Variants in LGR6 observed in about 807,000 individuals in gnomAD.
LGR6 encodes the protein leucine rich repeat containing G protein-coupled receptor 6.
A neutral mutation model predicts 69.4 loss-of-function variants in LGR6; 45 were observed. That is an observed-to-expected ratio of 0.65 (90% CI 0.51 to 0.83). The LOEUF is 0.83. LGR6 is among the 40% of genes least tolerant of loss of function. The probability of loss-of-function intolerance (pLI) is 0.00; values close to 1 mark genes in which losing one functional copy is unlikely to be tolerated. For synonymous variants in LGR6, 538 were observed against 555.0 expected, an observed-to-expected ratio of 0.97 and a Z score of 0.43; for missense variants, 1,108 against 1,246.7, an observed-to-expected ratio of 0.89 and a Z score of 1.68.
chr1:202,202,709 C>T (rs1306352591), intron 1 of LGR6, among the ~76,000 whole-genome samples: 2 of 152,200 alleles, frequency 1.3e-5, no homozygotes, highest in Non-Finnish European at 2.9e-5. Context: ...TTGGGAGGAG[C>T]GGTGGAGGCA....
chr1:202,290,575 C>G (rs1431971386), intron 6 of LGR6, among the ~76,000 whole-genome samples: 1 of 152,046 alleles, frequency 6.6e-6, no homozygotes, highest in African/African-American at 2.4e-5. Flanking sequence ...ATTTCCTCAT[C>G]AATAAAAAAA....
intron 4 of LGR6, among the ~76,000 whole-genome samples, chr1:202,262,207 T>TA (rs1215208710): frequency 2.0e-5 from 3 of 151,554 alleles, no homozygotes; most frequent in Non-Finnish European, 4.4e-5. Context: ...CTAGGGTTTT[T>TA]ATGGTTTTAG....
Position 202,318,502 on chromosome 1 carries a change from C to T in LGR6, c.2199C>T (p.Thr733=), listed in dbSNP as rs200450852. 45 of 1,613,980 alleles carry T rather than the reference C, an allele frequency of 2.8e-5. No individual in the cohort carries two copies. In the South Asian group the frequency reaches 2.9e-4, roughly 10 times the overall value. ...PEGQPAALGF[T]VALVMMNSFC... ...GTCAGCCAGCAGCCCTGGGCTTCAC[C>T]GTGGCCCTGGTGATGATGAACTCCT... The change falls in exon 18 of 18, where the codon ACC becomes ACT. Residue 733 remains threonine (T), a synonymous_variant. Coordinates refer to ENST00000367278, the MANE Select transcript of LGR6 (RefSeq NM_001017403.2).
At chr1:202,228,048 C>A in intron 3 of LGR6, 41 bp downstream of exon 3, 1 of 1,417,504 alleles carries the variant, frequency 7.1e-7, no homozygotes, top group Non-Finnish European at 9.9e-7. Flanking sequence ...AGCTGCAGCA[C>A]TGAGAATGGT....
rs1664858273 is a variant in LGR6, at chr1:202,268,575, GT to G, written c.429-7729del. ...TTTTCTCTATTCTCTCCCTTCCTGT[GT>G]TCAACTGAAAGTCAGCTATGTAGCC... On this transcript the variant is annotated intron_variant, in intron 4 of 17. Coordinates refer to ENST00000367278, the MANE Select transcript of LGR6 (RefSeq NM_001017403.2). The surrounding 1 kb of genome is among the most constrained non-coding windows in gnomAD (Gnocchi z 4.4). 6.6e-6 allele frequency among the ~76,000 whole-genome samples: 1 copy of G among 151,704 alleles called. No individual in the cohort carries two copies. Among genetic ancestry groups the G allele is most frequent in the Admixed American group, 6.6e-5 (1 of 15,240 alleles).
intron 1 of LGR6, among the ~76,000 whole-genome samples, chr1:202,198,408 G>C (rs529506289): frequency 6.6e-6 from 1 of 152,210 alleles, no homozygotes; most frequent in Non-Finnish European, 1.5e-5. Context: ...GTTTGCAAAG[G>C]GTTTGGCATA....
rs1375386145 is a variant in LGR6 at position 202,319,522 on chromosome 1, G to A, written c.*315G>A. The A allele has an allele frequency of 3.3e-6, 1 of 304,650 alleles. No homozygotes were observed. The highest frequency in any genetic ancestry group is 6.0e-5 in the East Asian group (1 of 16,662). 18.9% of individuals were successfully genotyped at this position (304,650 alleles called of 1,614,324 possible). A position where few individuals can be genotyped will look rare whatever the true frequency, so the allele number is the denominator to read the frequency against. On this transcript the variant is annotated 3_prime_UTR_variant, in exon 18 of 18. Transcript: ENST00000367278. ...ATGAGGGAAGTAAAGACAGTGAAGG[G>A]GTGGAGGGTTGATCAGGGCACAGTG...
chr1:202,304,182 G>A (rs1667808164), intron 10 of LGR6, among the ~76,000 whole-genome samples: 2 of 152,162 alleles, frequency 1.3e-5, no homozygotes, highest in African/African-American at 4.8e-5. Context: ...CTTGCCCATG[G>A]ACATCCCCTC....
At chr1:202,224,731 C>T (rs1256290250) in intron 1 of LGR6, among the ~76,000 whole-genome samples, 1 of 152,218 alleles carries the variant, frequency 6.6e-6, no homozygotes, top group Non-Finnish European at 1.5e-5. Flanking sequence ...AGGTGGAGCT[C>T]AGGCGGGAGT....
intron 4 of LGR6, among the ~76,000 whole-genome samples, chr1:202,251,320 A>T (rs1217207854): frequency 6.6e-6 from 1 of 152,236 alleles, no homozygotes; most frequent in Non-Finnish European, 1.5e-5. Context: ...ATTTTAAAAA[A>T]GCGATACAGT....
At chr1:202,267,085 T>A (rs191604115) in intron 4 of LGR6, among the ~76,000 whole-genome samples, 25 of 152,296 alleles carry the variant, frequency 1.6e-4, no homozygotes, top group Middle Eastern at 3.4e-3. Flanking sequence ...AAATAAAATT[T>A]AAAATGCGGT....
intron 17 of LGR6, among the ~76,000 whole-genome samples, chr1:202,316,540 A>G (rs936099382): frequency 2.6e-5 from 4 of 152,256 alleles, no homozygotes; most frequent in Admixed American, 6.5e-5. Flanking sequence ...CAGACAAACC[A>G]TATCCAAATG....
At position 202,318,578 on chromosome 1, in the gene LGR6, C is replaced by A; in HGVS notation, c.2275C>A (p.Pro759Thr). 1 of 1,614,032 alleles carries A rather than the reference C, an allele frequency of 6.2e-7. No individual in the cohort carries two copies. Among genetic ancestry groups the A allele is most frequent in the Non-Finnish European group, 8.5e-7 (1 of 1,180,006 alleles). ...CTACATCAAACTGTACTGTGACCTG[C>A]CGCGGGGCGACTTTGAGGCCGTGTG... ...GAYIKLYCDL[P>T]RGDFEAVWDC... Residue 759 changes from proline (P) to threonine (T), a missense_variant, in exon 18 of 18, where the codon CCG (proline) becomes ACG (threonine). By Grantham distance (38) the Pro-to-Thr change is conservative (BLOSUM62 -1). Transcript: ENST00000367278.
Position 202,305,696 on chromosome 1 carries a change from C to A in LGR6, c.1083C>A (p.His361Gln). 6.2e-7 allele frequency: 1 copy of A among 1,613,836 alleles called. No homozygotes were observed. Among genetic ancestry groups the A allele is most frequent in the Non-Finnish European group, 8.5e-7 (1 of 1,179,982 alleles). Residue 361 changes from histidine (H) to glutamine (Q), a missense_variant, in exon 12 of 18, where the codon CAC (histidine) becomes CAA (glutamine). His to Gln is a conservative substitution (Grantham distance 24). Coordinates refer to ENST00000367278, the MANE Select transcript of LGR6 (RefSeq NM_001017403.2). Reference protein sequence around the residue: ...LPRLRVLELSHNQIEELPSLH... With the variant: ...LPRLRVLELSQNQIEELPSLH... ...CTCTTTTCCCCAGGGAACTGTCTCACAATCAAATTGAGGAGCTGCCCAGCC... is the reference window on the plus strand; with the variant it reads ...CTCTTTTCCCCAGGGAACTGTCTCAAAATCAAATTGAGGAGCTGCCCAGCC...
intron 12 of LGR6, among the ~76,000 whole-genome samples, chr1:202,306,500 A>C (rs1381011165): frequency 5.9e-5 from 9 of 152,150 alleles, no homozygotes; most frequent in Admixed American, 5.9e-4. Flanking sequence ...TCTGCTTCCC[A>C]GTTCCGGCCA....
At chr1:202,229,134 G>C (rs1198741234) in intron 3 of LGR6, among the ~76,000 whole-genome samples, 1 of 152,144 alleles carries the variant, frequency 6.6e-6, no homozygotes, top group Non-Finnish European at 1.5e-5. Flanking sequence ...CTTCCAGCTG[G>C]TCAAGTTCAA....
At chr1:202,231,971 A>G (rs1346931631) in intron 3 of LGR6, among the ~76,000 whole-genome samples, 1 of 152,120 alleles carries the variant, frequency 6.6e-6, no homozygotes, top group Non-Finnish European at 1.5e-5. Context: ...GCACACCTGT[A>G]ATCCCAGCTA....
At chr1:202,204,395 C>T (rs542291850) in intron 1 of LGR6, among the ~76,000 whole-genome samples, 1 of 132,848 alleles carries the variant, frequency 7.5e-6, no homozygotes. Flanking sequence ...CCTCCACACA[C>T]ACACCTCCAA....
Position 202,318,163 on chromosome 1 carries a change from AGTCGATGCCCTGACCTTTG to A in LGR6, c.1864_1882del (p.Asp622SerfsTer13). ...GCATTTCCTGTGGCCTTCTAGCCTC[AGTCGATGCCCTGACCTTTG>A]GTCAGTTCTCTGAGTACGGAGCCCG... On this transcript the variant is annotated frameshift_variant, in exon 18 of 18. Transcript: ENST00000367278. LOFTEE classifies it low-confidence loss of function (END_TRUNC). 6.2e-7 allele frequency: 1 copy of A among 1,613,930 alleles called. No homozygotes were observed. The highest frequency in any genetic ancestry group is 8.5e-7 in the Non-Finnish European group (1 of 1,180,004).
Sources: allele counts gnomAD v4.1 joint callset (sites outside exome capture counted in the v4.1 genomes callset), GRCh38; gene constraint gnomAD v4.1.1; non-coding constraint Gnocchi (gnomAD v3.1); transcripts MANE v1.5; gene names NCBI Gene and HGNC (gene_info 2026-07-23, HGNC 2026-07-21).